CLCN4: variants seen among roughly 807,000 people sequenced by gnomAD.
CLCN4 encodes the protein Cl-/H+ antiporter 4, also known as H(+)/Cl(-) exchange transporter 4.
In CLCN4, 1 loss-of-function variant was observed where a neutral mutation model predicts 41.7. The ratio of observed to expected loss-of-function variants is 0.02; its 90% CI spans 0.01 to 0.11. The LOEUF (loss-of-function observed/expected upper bound fraction) is 0.11. Among genes scored for constraint, CLCN4 ranks in the 10% least tolerant of loss-of-function variants. The probability of loss-of-function intolerance (pLI) is 1.00; values close to 1 mark genes in which losing one functional copy is unlikely to be tolerated. For missense variants in CLCN4, 287 were observed against 661.0 expected, an observed-to-expected ratio of 0.43 and a Z score of 6.20; for synonymous variants, 277 against 285.8, an observed-to-expected ratio of 0.97 and a Z score of 0.31.
At chrX:10,181,204 A>T (rs778914797) in intron 2 of CLCN4, among the ~76,000 whole-genome samples, 2 of 110,303 alleles carry the variant, frequency 1.8e-5, no homozygotes, top group South Asian at 3.9e-4. Context: ...CAGATAATAA[A>T]AAAAAATTAG....
At chrX:10,180,767 C>CAAAAAAAAAAAAAAAAAAAAA (rs869040200) in intron 2 of CLCN4, among the ~76,000 whole-genome samples, 8 of 25,040 alleles carry the variant, frequency 3.2e-4, no homozygotes, top group Non-Finnish European at 4.8e-4. Flanking sequence ...AACTCCATCT[C>CAAAAAAAAAAAAAAAAAAAAA]AAAAAAAAAA....
At chrX:10,201,471 G>A (rs902869475) in intron 6 of CLCN4, among the ~76,000 whole-genome samples, 11 of 111,698 alleles carry the variant, frequency 9.8e-5, no homozygotes, top group Non-Finnish European at 1.7e-4. Flanking sequence ...CCAGTTCTTG[G>A]AGGAGAGGGT....
intron 2 of CLCN4, among the ~76,000 whole-genome samples, chrX:10,174,893 C>G (rs185633042): frequency 7.6e-4 from 85 of 112,401 alleles, no homozygotes; most frequent in African/African-American, 2.7e-3. Flanking sequence ...TACGTCTCTA[C>G]TTTTCATTGT....
chrX:10,184,064 T>C (rs1027931826), intron 2 of CLCN4, among the ~76,000 whole-genome samples: 4 of 112,208 alleles, frequency 3.6e-5, no homozygotes, highest in Non-Finnish European at 7.5e-5. Context: ...CACTGTGCCA[T>C]TGGAGTACAT....
In CLCN4 at chrX:10,170,758, C is replaced by A. The variant is rs17255411; in HGVS notation, c.-12+12207C>A. ...CGGTGATAAGCCACCAGGGTTCTGT[C>A]GGGAAGCCTAGGACAGGCCATTTTA... is the stretch of plus-strand genomic sequence containing the variant. On this transcript the variant is annotated intron_variant, in intron 2 of 12. Coordinates refer to ENST00000380833, the MANE Select transcript of CLCN4 (RefSeq NM_001830.4). 8.9e-3 allele frequency among the ~76,000 whole-genome samples: 1,001 copies of A among 112,259 alleles called. 9 individuals carry two copies. The highest frequency in any genetic ancestry group is 0.03 in the African/African-American group (928 of 30,898).
intron 2 of CLCN4, among the ~76,000 whole-genome samples, chrX:10,184,385 C>A (rs1040886768): frequency 9.0e-6 from 1 of 111,227 alleles, no homozygotes; most frequent in Admixed American, 9.5e-5. Flanking sequence ...GTGTGTAGAG[C>A]GACAAAAAGT....
chrX:10,221,083 G>T (rs1262730086), intron 12 of CLCN4, among the ~76,000 whole-genome samples: 1 of 111,235 alleles, frequency 9.0e-6, no homozygotes, highest in Non-Finnish European at 1.9e-5. Flanking sequence ...AGAAGGGGGT[G>T]GTCCAGGCTG....
At chrX:10,167,137 G>C (rs186717042) in intron 2 of CLCN4, among the ~76,000 whole-genome samples, 64 of 112,261 alleles carry the variant, frequency 5.7e-4, no homozygotes, top group African/African-American at 1.9e-3. Context: ...GTTTCTTTCT[G>C]AACATCCTTT....
At chrX:10,215,706 CCTG>C (rs1174266739) in intron 11 of CLCN4, among the ~76,000 whole-genome samples, 1 of 111,964 alleles carries the variant, frequency 8.9e-6, no homozygotes, top group Non-Finnish European at 1.9e-5. Flanking sequence ...TCCAGGCACA[CCTG>C]CTAAGAGGCA....
chrX:10,185,705 C>T lies in CLCN4; in HGVS notation c.144+529C>T, dbSNP rs190823224. Among the ~76,000 whole-genome samples, 4 of 110,871 alleles carry T rather than the reference C, an allele frequency of 3.6e-5. No individual in the cohort carries two copies. In the Admixed American group the frequency reaches 3.8e-4, roughly 11 times the overall value. On this transcript the variant is annotated intron_variant, in intron 3 of 12. Coordinates refer to ENST00000380833, the MANE Select transcript of CLCN4 (RefSeq NM_001830.4). ...GTGAGGATTCTAAACATCAGGAATG[C>T]CCCCCTTTTTTAAGTCACAGAGGCA... is the stretch of plus-strand genomic sequence containing the variant.
chrX:10,180,412 C>A (rs1923644326), intron 2 of CLCN4, among the ~76,000 whole-genome samples: 1 of 111,261 alleles, frequency 9.0e-6, no homozygotes, highest in Non-Finnish European at 1.9e-5. Flanking sequence ...GGTGATACAG[C>A]TTCTGCCGGG....
At chrX:10,204,939 G>A (rs1444946393) in intron 6 of CLCN4, among the ~76,000 whole-genome samples, 1 of 111,075 alleles carries the variant, frequency 9.0e-6, no homozygotes, top group Non-Finnish European at 1.9e-5. Flanking sequence ...GATGAAGTTA[G>A]GGTTGAATAC....
At chrX:10,170,845 G>A (rs1275806616) in intron 2 of CLCN4, among the ~76,000 whole-genome samples, 1 of 112,574 alleles carries the variant, frequency 8.9e-6, no homozygotes, top group Admixed American at 9.4e-5. Context: ...TTTGTTAGGG[G>A]ACTGATGTAT....
At chrX:10,187,386 G>A in intron 3 of CLCN4, 129 bp from the exon 4 acceptor site, 1 of 512,111 alleles carries the variant, frequency 2.0e-6, no homozygotes, top group South Asian at 3.1e-5. Context: ...ACATCAGTGG[G>A]AATTTAGCTG....
chrX:10,189,915 T>A (rs767562521), intron 4 of CLCN4, among the ~76,000 whole-genome samples: 22 of 111,992 alleles, frequency 2.0e-4, no homozygotes, highest in African/African-American at 7.1e-4. Context: ...ATGATGAAAC[T>A]TGGGGTGATC....
chrX:10,227,636 G>T (rs2147191176), intron 12 of CLCN4, among the ~76,000 whole-genome samples: 1 of 111,634 alleles, frequency 9.0e-6, no homozygotes, highest in African/African-American at 3.3e-5. Flanking sequence ...ACCCCAAAAA[G>T]AAACCCCACA....
chrX:10,173,733 T>C (rs1923444257), intron 2 of CLCN4, among the ~76,000 whole-genome samples: 1 of 111,967 alleles, frequency 8.9e-6, no homozygotes, highest in Non-Finnish European at 1.9e-5. Flanking sequence ...AATCAGCACC[T>C]GCAGTTTAAC....
chrX:10,165,783 T>G (rs1157403596), intron 2 of CLCN4, among the ~76,000 whole-genome samples: 1 of 112,069 alleles, frequency 8.9e-6, no homozygotes, highest in East Asian at 2.8e-4. Flanking sequence ...AGCCGAGAGA[T>G]TGTTCCTCTT....
chrX:10,228,878 G>T (rs1925054216), intron 12 of CLCN4, among the ~76,000 whole-genome samples: 2 of 111,329 alleles, frequency 1.8e-5, no homozygotes, highest in Non-Finnish European at 3.8e-5. Context: ...TCAACCAGGG[G>T]CTATCTTGTC....
Sources: gnomAD v4.1 joint callset for allele counts (sites outside exome capture counted in the v4.1 genomes callset) on GRCh38, gnomAD v4.1.1 for gene constraint, MANE v1.5 for transcripts, NCBI Gene and HGNC (gene_info 2026-07-23, HGNC 2026-07-21) for gene names.